The following CTNNBL1 variants were observed in gnomAD, a reference collection of about 807,000 sequenced individuals.
CTNNBL1 encodes the protein beta-catenin-like protein 1.
CTNNBL1 carries 31 observed loss-of-function variants against 72.7 expected under a neutral mutation model. The observed-to-expected ratio is 0.43, with a 90% CI of 0.32 to 0.58. The LOEUF is 0.58. CTNNBL1 is among the 20% of genes least tolerant of loss of function. CTNNBL1 has a pLI of 0.08. For synonymous variants in CTNNBL1, 240 were observed against 267.3 expected (o/e 0.90, Z 1.00); for missense variants, 534 against 725.1 (o/e 0.74, Z 3.03).
At chr20:37,736,487 T>C (rs1403398395) in intron 2 of CTNNBL1, among the ~76,000 whole-genome samples, 1 of 152,206 alleles carries the variant, frequency 6.6e-6, no homozygotes, top group East Asian at 1.9e-4. Flanking sequence ...TGTTGCTTAC[T>C]CTCTGCCATA....
intron 6 of CTNNBL1, among the ~76,000 whole-genome samples, chr20:37,766,275 C>G (rs2073467256): frequency 6.6e-6 from 1 of 152,200 alleles, no homozygotes; most frequent in African/African-American, 2.4e-5. Context: ...TAACTGACTG[C>G]TAACTGTCTG....
chr20:37,734,715 A>G (rs1255583664), intron 2 of CTNNBL1, among the ~76,000 whole-genome samples: 1 of 152,248 alleles, frequency 6.6e-6, no homozygotes, highest in African/African-American at 2.4e-5. Flanking sequence ...GTGAACTTGT[A>G]AAATATTATT....
intron 13 of CTNNBL1, among the ~76,000 whole-genome samples, chr20:37,846,516 C>T (rs1157604664): frequency 1.3e-5 from 2 of 152,066 alleles, no homozygotes; most frequent in African/African-American, 4.8e-5. Flanking sequence ...GATATGGTGT[C>T]GGTGAATGTA....
chr20:37,800,921 A>T (rs1568786897), intron 10 of CTNNBL1, among the ~76,000 whole-genome samples: 1 of 152,320 alleles, frequency 6.6e-6, no homozygotes, highest in East Asian at 1.9e-4. Context: ...TGCCCCTAAA[A>T]TTTACATGAC....
chr20:37,734,902 C>T (rs189571096), intron 2 of CTNNBL1, among the ~76,000 whole-genome samples: 177 of 152,268 alleles, frequency 1.2e-3, no homozygotes, highest in African/African-American at 4.1e-3. Flanking sequence ...GCTAGGACTT[C>T]GGAAATCCCA....
At chr20:37,725,053 G>A (rs958712078) in intron 1 of CTNNBL1, among the ~76,000 whole-genome samples, 12 of 151,600 alleles carry the variant, frequency 7.9e-5, no homozygotes, top group Non-Finnish European at 7.4e-5. Context: ...CTACAGGTGC[G>A]TGCCATTATG....
intron 11 of CTNNBL1, among the ~76,000 whole-genome samples, chr20:37,812,278 C>G (rs1350713808): frequency 6.6e-6 from 1 of 152,132 alleles, no homozygotes; most frequent in Non-Finnish European, 1.5e-5. Flanking sequence ...TGCACATTTG[C>G]CTTCTTTCAA....
At chr20:37,837,121 CT>C (rs1399909110) in intron 11 of CTNNBL1, among the ~76,000 whole-genome samples, 1 of 152,182 alleles carries the variant, frequency 6.6e-6, no homozygotes, top group East Asian at 1.9e-4. Flanking sequence ...TGCCCCTAAC[CT>C]TTTCTCGTTG....
At chr20:37,782,316 T>G (rs1429647042) in intron 10 of CTNNBL1, among the ~76,000 whole-genome samples, 1 of 152,198 alleles carries the variant, frequency 6.6e-6, no homozygotes, top group African/African-American at 2.4e-5. Flanking sequence ...TTCTGATTAT[T>G]GATGAAGAAA....
intron 15 of CTNNBL1, among the ~76,000 whole-genome samples, chr20:37,866,938 G>A (rs995183613): frequency 3.3e-5 from 5 of 152,136 alleles, no homozygotes; most frequent in African/African-American, 1.2e-4. Context: ...CCGGGGCCTT[G>A]TGGGGGTGGG....
intron 11 of CTNNBL1, among the ~76,000 whole-genome samples, chr20:37,837,610 G>A (rs554299658): frequency 3.3e-4 from 51 of 152,248 alleles, no homozygotes; most frequent in African/African-American, 1.2e-3. Context: ...AAGCATATTA[G>A]CAATGCAAAG....
chr20:37,751,306 GTTAAC>G (rs1213300627), intron 4 of CTNNBL1, among the ~76,000 whole-genome samples: 1 of 152,114 alleles, frequency 6.6e-6, no homozygotes, highest in Non-Finnish European at 1.5e-5. Flanking sequence ...TCATTGTGAT[GTTAAC>G]TTAAGGCACC....
chr20:37,718,985 TGA>T (rs1364367072), intron 1 of CTNNBL1, among the ~76,000 whole-genome samples: 3 of 152,250 alleles, frequency 2.0e-5, no homozygotes, highest in African/African-American at 7.2e-5. Context: ...GTCACTAATT[TGA>T]GTCTCAGTTT....
At chr20:37,710,922 G>C (rs6020395) in intron 1 of CTNNBL1, among the ~76,000 whole-genome samples, 23,526 of 152,040 alleles carry the variant, frequency 0.15, 3,394 homozygotes, top group African/African-American at 0.38. Context: ...CCCTACCTCT[G>C]CTTTCGTCTC....
intron 1 of CTNNBL1, among the ~76,000 whole-genome samples, chr20:37,716,594 A>G (rs781406358): frequency 1.1e-4 from 17 of 152,222 alleles, no homozygotes; most frequent in Non-Finnish European, 1.9e-4. Flanking sequence ...TTGAGGAAAT[A>G]AAGTGCATCT....
chr20:37,718,334 G>A (rs2073008811), intron 1 of CTNNBL1, among the ~76,000 whole-genome samples: 1 of 143,548 alleles, frequency 7.0e-6, no homozygotes, highest in Non-Finnish European at 1.5e-5. Context: ...CGGGCAGGGG[G>A]GCTCCTCACT....
intron 10 of CTNNBL1, among the ~76,000 whole-genome samples, chr20:37,791,253 T>C (rs958284018): frequency 2.0e-5 from 3 of 152,250 alleles, no homozygotes; most frequent in Admixed American, 1.3e-4. Context: ...TAAATTGCTC[T>C]TAGGTAAATA....
At chr20:37,834,866 A>G (rs560234179) in intron 11 of CTNNBL1, among the ~76,000 whole-genome samples, 1 of 152,356 alleles carries the variant, frequency 6.6e-6, no homozygotes, top group East Asian at 1.9e-4. Context: ...GGCATAGATA[A>G]ACAGTAACAA....
chr20:37,750,711 A>G (rs1178339009), intron 4 of CTNNBL1: 1 of 152,188 alleles, frequency 6.6e-6, no homozygotes. Flanking sequence ...CCATGTTCTT[A>G]ATTTGAGTGG....
Sources: allele counts gnomAD v4.1 joint callset (sites outside exome capture counted in the v4.1 genomes callset), GRCh38; gene constraint gnomAD v4.1.1; transcripts MANE v1.5; gene names NCBI Gene and HGNC (gene_info 2026-07-23, HGNC 2026-07-21).